Variants in SFXN5 observed in about 807,000 individuals in gnomAD.
The protein encoded by SFXN5 is sideroflexin 5.
A neutral mutation model predicts 50.2 loss-of-function variants in SFXN5; 43 were observed. The ratio of observed to expected loss-of-function variants is 0.86; its 90% CI spans 0.67 to 1.11. The LOEUF (loss-of-function observed/expected upper bound fraction) is 1.11, where lower values mean the gene tolerates loss of function less well. Ranked by LOEUF, SFXN5 falls within the 50% of genes least tolerant of loss-of-function variation. The probability of loss-of-function intolerance (pLI) is 0.00; values close to 1 mark genes in which losing one functional copy is unlikely to be tolerated. For missense variants in SFXN5, 463 were observed against 454.1 expected (o/e 1.02, Z -0.18); for synonymous variants, 203 against 185.8 (o/e 1.09, Z -0.75).
At chr2:73,047,344 CATATATATGTGTATATATGT>C (rs1559200508) in intron 2 of SFXN5, among the ~76,000 whole-genome samples, 1 of 100,258 alleles carries the variant, frequency 1.0e-5, no homozygotes, top group Non-Finnish European at 2.0e-5. Context: ...TATATATGTA[CATATATATGTGTATATATGT>C]ATATATATGT....
intron 13 of SFXN5, among the ~76,000 whole-genome samples, chr2:72,951,970 A>G (rs562178660): frequency 1.3e-5 from 2 of 152,296 alleles, no homozygotes; most frequent in African/African-American, 4.8e-5. Context: ...CTGTTCCGAC[A>G]CACACACATC....
chr2:73,050,793 T>C (rs1681209954), intron 2 of SFXN5, among the ~76,000 whole-genome samples: 1 of 152,268 alleles, frequency 6.6e-6, no homozygotes, highest in Non-Finnish European at 1.5e-5. Flanking sequence ...TGGTTTCTCC[T>C]AAACATGATT....
Position 73,001,553 on chromosome 2 carries a change from T to C in SFXN5, c.383A>G (p.Gln128Arg). ...CCAGAAGACAGTGGATGCCAGTGTC[T>C]GGTTGGGCAAGAGAAGACCGACTAC... ...PIVVGLLLPN[Q>R]TLASTVFWQW... Residue 128 changes from glutamine (Q) to arginine (R), a missense_variant, in exon 7 of 14, where the codon CAG becomes CGG. Gln to Arg is a conservative substitution (Grantham distance 43). Coordinates refer to ENST00000272433, the MANE Select transcript of SFXN5 (RefSeq NM_144579.3). 1 of 1,614,174 alleles carries C rather than the reference T, an allele frequency of 6.2e-7. No individual in the cohort carries two copies. Among genetic ancestry groups the C allele is most frequent in the Non-Finnish European group, 8.5e-7 (1 of 1,180,032 alleles).
intron 5 of SFXN5, among the ~76,000 whole-genome samples, chr2:73,021,054 C>T (rs1048096672): frequency 3.9e-5 from 6 of 152,260 alleles, no homozygotes; most frequent in African/African-American, 9.6e-5. Context: ...CCATGGTTCT[C>T]ATACCCACTT....
chr2:72,956,052 A>G (rs553558115), intron 13 of SFXN5, among the ~76,000 whole-genome samples: 2 of 152,348 alleles, frequency 1.3e-5, no homozygotes, highest in South Asian at 2.1e-4. Context: ...CTACGTGGCC[A>G]TCCTGGTAAC....
intron 10 of SFXN5, among the ~76,000 whole-genome samples, chr2:72,983,485 C>A (rs1431106635): frequency 6.6e-6 from 1 of 152,200 alleles, no homozygotes; most frequent in Non-Finnish European, 1.5e-5. Flanking sequence ...CTGGCTGATG[C>A]CAAAGCTCAG....
intron 6 of SFXN5, chr2:73,019,437 T>C (rs1470677951): frequency 6.7e-6 from 1 of 149,374 alleles, no homozygotes; most frequent in Non-Finnish European, 1.5e-5. Flanking sequence ...TTTTCTTTTT[T>C]TTTTTTTTTG....
intron 2 of SFXN5, among the ~76,000 whole-genome samples, chr2:73,046,575 A>G (rs1268954284): frequency 3.9e-5 from 6 of 152,134 alleles, no homozygotes; most frequent in African/African-American, 1.4e-4. Context: ...GCTACTTGTG[A>G]GGGTGAGGTG....
intron 9 of SFXN5, among the ~76,000 whole-genome samples, chr2:72,988,975 C>T (rs903463700): frequency 6.6e-6 from 1 of 152,228 alleles, no homozygotes; most frequent in Admixed American, 6.5e-5. Flanking sequence ...ACCCCAGCCC[C>T]TGCCTGGGGT....
At chr2:72,968,866 G>C (rs1180207657) in intron 11 of SFXN5, among the ~76,000 whole-genome samples, 1 of 151,356 alleles carries the variant, frequency 6.6e-6, no homozygotes, top group Non-Finnish European at 1.5e-5. Flanking sequence ...GCAGTGGTGT[G>C]ATCTCAGCTC....
chr2:73,068,122 T>C (rs1683303811), intron 1 of SFXN5, among the ~76,000 whole-genome samples: 1 of 152,070 alleles, frequency 6.6e-6, no homozygotes, highest in African/African-American at 2.4e-5. Flanking sequence ...AGGGAGACAC[T>C]TGAGGGAATA....
At chr2:72,997,668 C>A (rs1226639918) in intron 9 of SFXN5, 2 of 151,986 alleles carry the variant, frequency 1.3e-5, no homozygotes, top group Admixed American at 1.3e-4. Flanking sequence ...CGGCTCACTG[C>A]AACTTCTGCC....
At chr2:73,029,348 A>T (rs1393411075) in intron 3 of SFXN5, among the ~76,000 whole-genome samples, 1 of 152,242 alleles carries the variant, frequency 6.6e-6, no homozygotes, top group African/African-American at 2.4e-5. Flanking sequence ...GTTAAATGAC[A>T]TATGCATATA....
intron 3 of SFXN5, among the ~76,000 whole-genome samples, chr2:73,037,204 C>A (rs1459590322): frequency 2.0e-5 from 3 of 152,240 alleles, no homozygotes; most frequent in African/African-American, 7.2e-5. Flanking sequence ...GCCCTCATAT[C>A]TCAGGGGAGA....
intron 10 of SFXN5, among the ~76,000 whole-genome samples, chr2:72,979,758 A>C (rs1671066112): frequency 6.6e-6 from 1 of 152,228 alleles, no homozygotes; most frequent in Admixed American, 6.5e-5. Context: ...GAGGTTAAAA[A>C]GCAGTTTACA....
At chr2:73,012,651 CACA>C (rs1675663775) in intron 6 of SFXN5, among the ~76,000 whole-genome samples, 1 of 13,866 alleles carries the variant, frequency 7.2e-5, no homozygotes, top group Admixed American at 7.6e-4. Context: ...AGCCAAACAA[CACA>C]CACACACACA....
At chr2:73,039,982 T>C (rs72848115) in intron 3 of SFXN5, among the ~76,000 whole-genome samples, 243 of 152,122 alleles carry the variant, frequency 1.6e-3, no homozygotes, top group Non-Finnish European at 2.9e-3. Flanking sequence ...GGCTGATTTT[T>C]TGTCTTTCAG....
intron 10 of SFXN5, among the ~76,000 whole-genome samples, chr2:72,983,829 G>T (rs1671590247): frequency 6.6e-6 from 1 of 152,136 alleles, no homozygotes; most frequent in Non-Finnish European, 1.5e-5. Context: ...CCTCCTCCAA[G>T]GCCCCTTGAG....
At chr2:72,968,122 AACACAC>A (rs34361357) in intron 12 of SFXN5, among the ~76,000 whole-genome samples, 7,231 of 137,174 alleles carry the variant, frequency 0.053, 219 homozygotes, top group East Asian at 0.1. Context: ...CACACATGAA[AACACAC>A]ACACACACAC....
Sources: allele counts gnomAD v4.1 joint callset (sites outside exome capture counted in the v4.1 genomes callset), GRCh38; gene constraint gnomAD v4.1.1; transcripts MANE v1.5; gene names NCBI Gene and HGNC (gene_info 2026-07-23, HGNC 2026-07-21).